The following MROH1 variants were observed in gnomAD, a reference collection of about 807,000 sequenced individuals.
MROH1 encodes the protein maestro heat like repeat family member 1.
In MROH1, 117 loss-of-function variants were observed where a neutral mutation model predicts 116.5. That is an observed-to-expected ratio of 1.00 (90% CI 0.86 to 1.17). The LOEUF (loss-of-function observed/expected upper bound fraction) is 1.17. Among genes scored for constraint, MROH1 ranks in the 50% most tolerant of loss-of-function variants. The pLI, the probability that MROH1 is intolerant of heterozygous loss-of-function variation, is 0.00. For synonymous variants in MROH1, 921 were observed against 583.9 expected, an observed-to-expected ratio of 1.58 and a Z score of -8.32; for missense variants, 1,873 against 1,338.5, an observed-to-expected ratio of 1.40 and a Z score of -6.23.
chr8:144,178,006 C>G (rs1019548354), intron 4 of MROH1, among the ~76,000 whole-genome samples: 1 of 151,772 alleles, frequency 6.6e-6, no homozygotes, highest in Non-Finnish European at 1.5e-5. Flanking sequence ...GCTCTGTCGC[C>G]CAGGCTGGAG....
In MROH1 at chr8:144,218,397, A is replaced by G. The variant is rs1417190562; in HGVS notation, c.1142-2203A>G. Among the ~76,000 whole-genome samples, 3 of 152,064 alleles carry G rather than the reference A, an allele frequency of 2.0e-5. No homozygotes were observed. The East Asian group carries it at 5.8e-4, about 29-fold the overall frequency. On this transcript the variant is annotated intron_variant, in intron 12 of 43. Coordinates refer to ENST00000326134, the MANE Select transcript of MROH1 (RefSeq NM_032450.3). Reference sequence around the variant, plus strand: ...GGTTTTGCACCGGACTCCTGCACCTATTCCAGTCAGGCCGTCATCCTGTGT... The same window carrying G: ...GGTTTTGCACCGGACTCCTGCACCTGTTCCAGTCAGGCCGTCATCCTGTGT...
At chr8:144,248,731 AGGCGCAG>A in intron 31 of MROH1, 139 bp from the exon 32 acceptor site, 1 of 672,848 alleles carries the variant, frequency 1.5e-6, no homozygotes, top group Non-Finnish European at 2.7e-6. Flanking sequence ...AGCTCATTGA[AGGCGCAG>A]GGCCCAGCGG....
intron 1 of MROH1, among the ~76,000 whole-genome samples, chr8:144,154,519 G>C (rs936579748): frequency 1.1e-4 from 17 of 152,312 alleles, no homozygotes; most frequent in African/African-American, 4.1e-4. Context: ...CTGCTCATGT[G>C]GGGGTGATGG....
At chr8:144,193,202 T>C (rs1327482414) in intron 10 of MROH1, 1 of 154,730 alleles carries the variant, frequency 6.5e-6, no homozygotes, top group Non-Finnish European at 1.4e-5. Flanking sequence ...AGTTACATGG[T>C]AACAAACTGT....
chr8:144,148,424 G>C (rs1815933879), intron 1 of MROH1, among the ~76,000 whole-genome samples: 1 of 151,784 alleles, frequency 6.6e-6, no homozygotes, highest in Non-Finnish European at 1.5e-5. Flanking sequence ...CCCGGTGCCC[G>C]CCCCTCCTGT....
intron 24 of MROH1, 87 bp from the exon 25 acceptor site, chr8:144,243,407 G>C: frequency 2.7e-6 from 2 of 750,432 alleles, no homozygotes; most frequent in Non-Finnish European, 4.9e-6. Flanking sequence ...CAGCACTTCT[G>C]GTTTCAGAGG....
intron 4 of MROH1, among the ~76,000 whole-genome samples, chr8:144,168,643 C>T (rs1216719161): frequency 6.6e-6 from 1 of 152,142 alleles, no homozygotes; most frequent in Non-Finnish European, 1.5e-5. Flanking sequence ...GGCCACATCC[C>T]CCCACCACGG....
At position 144,209,027 on chromosome 8, in the gene MROH1, TTGTGTGTG is replaced by T. The variant is rs71320812; in HGVS notation, c.1141+8526_1141+8533del. ...GCATGAGCCAATGCACTCGGCCATT[TTGTGTGTG>T]TGTGTGTGTGTGTGTGTGTGTGTGT... On this transcript the variant is annotated intron_variant, in intron 12 of 43. Coordinates refer to ENST00000326134, the MANE Select transcript of MROH1 (RefSeq NM_032450.3). 7.3e-3 allele frequency among the ~76,000 whole-genome samples: 1,035 copies of T among 141,728 alleles called. 14 individuals are homozygous for T. The highest frequency in any genetic ancestry group is 0.01 in the Middle Eastern group (3 of 288). The allele number at this position is 141,728 out of a possible 152,430, so 93.0% of individuals were successfully genotyped here. A position where few individuals can be genotyped will look rare whatever the true frequency, so the allele number is the denominator to read the frequency against.
At chr8:144,188,998 A>G (rs1486244605) in intron 7 of MROH1, among the ~76,000 whole-genome samples, 1 of 152,244 alleles carries the variant, frequency 6.6e-6, no homozygotes, top group African/African-American at 2.4e-5. Context: ...ACACACAGAA[A>G]GGTGATTAGC....
intron 14 of MROH1, among the ~76,000 whole-genome samples, chr8:144,223,486 C>T (rs900182129): frequency 3.9e-5 from 6 of 152,150 alleles, no homozygotes; most frequent in African/African-American, 1.4e-4. Flanking sequence ...GGAGACCCTC[C>T]CGCCTCAGCC....
At chr8:144,258,514 G>C (rs1844352265) in intron 35 of MROH1, among the ~76,000 whole-genome samples, 1 of 152,318 alleles carries the variant, frequency 6.6e-6, no homozygotes, top group Non-Finnish European at 1.5e-5. Context: ...CCTGTGTCCA[G>C]CTCTCAGGCT....
intron 14 of MROH1, 68 bp from the exon 15 acceptor site, chr8:144,238,688 G>A: frequency 1.3e-6 from 1 of 749,366 alleles, no homozygotes. Flanking sequence ...CCGCTTCCGG[G>A]CAGGCTGTGT....
At chr8:144,220,530 G>T in intron 12 of MROH1, 70 bp from the exon 13 acceptor site, 1 of 1,410,046 alleles carries the variant, frequency 7.1e-7, no homozygotes, top group Non-Finnish European at 9.7e-7. Flanking sequence ...CCAGGCCCCT[G>T]GTGATGTGGA....
intron 14 of MROH1, among the ~76,000 whole-genome samples, chr8:144,236,020 C>T (rs1203076419): frequency 1.3e-5 from 2 of 152,214 alleles, no homozygotes; most frequent in Admixed American, 1.3e-4. Flanking sequence ...CTGATCCATG[C>T]ACTTCCTCGG....
intron 3 of MROH1, among the ~76,000 whole-genome samples, chr8:144,166,180 C>T (rs1820787879): frequency 6.6e-6 from 1 of 152,230 alleles, no homozygotes; most frequent in Non-Finnish European, 1.5e-5. Context: ...CGCCCGACCC[C>T]ATCAAGCATT....
intron 12 of MROH1, among the ~76,000 whole-genome samples, chr8:144,215,804 C>T (rs1362145092): frequency 6.7e-6 from 1 of 149,570 alleles, no homozygotes; most frequent in African/African-American, 2.5e-5. Context: ...ACCTGGGTGG[C>T]AGAGCTTGCA....
chr8:144,256,720 G>A (rs943086873), intron 35 of MROH1, among the ~76,000 whole-genome samples: 37 of 152,368 alleles, frequency 2.4e-4, no homozygotes, highest in South Asian at 1.0e-3. Flanking sequence ...CCAGTGGGTC[G>A]GACCCTTGTG....
intron 33 of MROH1, chr8:144,251,723 T>C (rs973406029): frequency 6.6e-6 from 1 of 152,560 alleles, no homozygotes; most frequent in African/African-American, 2.4e-5. Flanking sequence ...GAGGCGTGGC[T>C]CACACAAAGG....
chr8:144,184,296 G>A (rs1826395560), intron 7 of MROH1, among the ~76,000 whole-genome samples: 1 of 152,176 alleles, frequency 6.6e-6, no homozygotes, highest in Non-Finnish European at 1.5e-5. Context: ...CTGGCCGGGG[G>A]GTGTGGCCGT....
Sources: gnomAD v4.1 joint callset for allele counts (sites outside exome capture counted in the v4.1 genomes callset) on GRCh38, gnomAD v4.1.1 for gene constraint, MANE v1.5 for transcripts, NCBI Gene and HGNC (gene_info 2026-07-23, HGNC 2026-07-21) for gene names.